The following ADCY1 variants were observed in gnomAD, a reference collection of about 807,000 sequenced individuals.
The protein encoded by ADCY1 is adenylate cyclase type 1.
A neutral mutation model predicts 105.4 loss-of-function variants in ADCY1; 28 were observed. The ratio of observed to expected loss-of-function variants is 0.27; its 90% CI spans 0.20 to 0.36. ADCY1 has a LOEUF of 0.36. Ranked by LOEUF, ADCY1 falls within the 10% of genes least tolerant of loss-of-function variation. ADCY1 has a pLI of 1.00. For missense variants in ADCY1, 977 were observed against 1,434.2 expected, an observed-to-expected ratio of 0.68 and a Z score of 5.15; for synonymous variants, 655 against 623.8, an observed-to-expected ratio of 1.05 and a Z score of -0.75.
chr7:45,683,494 C>G (rs1456863758), intron 11 of ADCY1, among the ~76,000 whole-genome samples: 2 of 152,152 alleles, frequency 1.3e-5, no homozygotes, highest in Non-Finnish European at 1.5e-5. Flanking sequence ...GCTTCTCTTA[C>G]TCTGTCACCT....
intron 8 of ADCY1, among the ~76,000 whole-genome samples, chr7:45,674,474 G>T (rs969127233): frequency 6.6e-6 from 1 of 151,940 alleles, no homozygotes; most frequent in African/African-American, 2.4e-5. Flanking sequence ...TCCTGGGTTC[G>T]AGCAATTCTC....
intron 3 of ADCY1, among the ~76,000 whole-genome samples, chr7:45,610,807 ATGGTGGAGGTAT>A (rs2115866478): frequency 1.4e-5 from 2 of 146,412 alleles, no homozygotes; most frequent in Admixed American, 6.8e-5. Flanking sequence ...TGGGGAGGTG[ATGGTGGAGGTAT>A]GGAGGTGATA....
Position 45,710,070 on chromosome 7 carries a change from T to C in ADCY1, c.2933-458T>C, listed in dbSNP as rs1476926314. 6.6e-6 allele frequency among the ~76,000 whole-genome samples: 1 copy of C among 152,190 alleles called. No homozygotes were observed. Among genetic ancestry groups the C allele is most frequent in the East Asian group, 1.9e-4 (1 of 5,200 alleles). On this transcript the variant is annotated intron_variant, in intron 18 of 19. Transcript: ENST00000297323. This position sits in a 1 kb window ranked among gnomAD's most constrained non-coding sequence, Gnocchi z 4.7. ...TAGTTATGGGGCCCATACTCTAAAA[T>C]AGCCATAAGGTCACATTCTGAGAAA... is the stretch of plus-strand genomic sequence containing the variant.
intron 7 of ADCY1, 24 bp from the exon 8 acceptor site, chr7:45,662,035 C>G (rs1037969809): frequency 1.2e-5 from 19 of 1,607,842 alleles, no homozygotes; most frequent in Non-Finnish European, 1.6e-5. Flanking sequence ...AGCATTTCTC[C>G]TTGCCCCTTG....
intron 14 of ADCY1, among the ~76,000 whole-genome samples, chr7:45,695,546 T>A (rs2116236269): frequency 6.6e-6 from 1 of 152,302 alleles, no homozygotes; most frequent in South Asian, 2.1e-4. Flanking sequence ...AGCCAAGAAT[T>A]AGAAGTCCTC....
intron 8 of ADCY1, 40 bp downstream of exon 8, chr7:45,662,254 G>A: frequency 6.3e-7 from 1 of 1,592,118 alleles, no homozygotes; most frequent in East Asian, 2.3e-5. Context: ...GGAGCTGCCA[G>A]GGACTGATCT....
chr7:45,614,982 C>A (rs1793698639), intron 3 of ADCY1, among the ~76,000 whole-genome samples: 1 of 152,060 alleles, frequency 6.6e-6, no homozygotes, highest in Non-Finnish European at 1.5e-5. Context: ...CAGACAAGAT[C>A]AAAAAGAAAG....
chr7:45,694,918 C>T (rs534399299), intron 14 of ADCY1, among the ~76,000 whole-genome samples: 3 of 152,336 alleles, frequency 2.0e-5, no homozygotes, highest in Non-Finnish European at 4.4e-5. Flanking sequence ...CTGTGCTAAT[C>T]CCTAGATGGT....
At chr7:45,634,648 T>A (rs1584289602) in intron 4 of ADCY1, among the ~76,000 whole-genome samples, 1 of 152,264 alleles carries the variant, frequency 6.6e-6, no homozygotes, top group East Asian at 1.9e-4. Flanking sequence ...GTTTTGACTT[T>A]AAGATGATGG....
Position 45,677,909 on chromosome 7 carries a change from G to T in ADCY1, c.1646G>T (p.Arg549Leu). The T allele has an allele frequency of 6.2e-7, 1 of 1,614,012 alleles. No homozygotes were observed. The highest frequency in any genetic ancestry group is 8.5e-7 in the Non-Finnish European group (1 of 1,180,000). ...LRTASEKLRN[R>L]SSFSTNVVYT... ...ACAGCCTCGGAAAAACTCAGAAACC[G>T]CTCATCTTTTTCTACCAACGTTGTC... Residue 549 changes from arginine to leucine, a missense_variant, in exon 9 of 20, where the codon CGC (arginine) becomes CTC (leucine). Physicochemically the swap from Arg to Leu is moderately radical, Grantham distance 102 (BLOSUM62 -2). Coordinates refer to ENST00000297323, the MANE Select transcript of ADCY1 (RefSeq NM_021116.4).
At chr7:45,605,734 G>A (rs1012597501) in intron 2 of ADCY1, among the ~76,000 whole-genome samples, 3 of 152,086 alleles carry the variant, frequency 2.0e-5, no homozygotes, top group African/African-American at 7.2e-5. Flanking sequence ...TTTCTAAAGT[G>A]CATTCGTAGT....
At chr7:45,616,086 A>T (rs1256782595) in intron 3 of ADCY1, among the ~76,000 whole-genome samples, 1 of 152,224 alleles carries the variant, frequency 6.6e-6, no homozygotes, top group African/African-American at 2.4e-5. Context: ...TAACCCAGGA[A>T]ATTTTGATAA....
At chr7:45,646,831 A>G (rs542497600) in intron 4 of ADCY1, among the ~76,000 whole-genome samples, 1 of 152,360 alleles carries the variant, frequency 6.6e-6, no homozygotes, top group African/African-American at 2.4e-5. Flanking sequence ...CTAAGTGGCC[A>G]GACCCTGGAT....
chr7:45,609,906 A>G (rs1793486160), intron 2 of ADCY1, among the ~76,000 whole-genome samples: 1 of 152,244 alleles, frequency 6.6e-6, no homozygotes. Flanking sequence ...GTAAGAAGAC[A>G]AAGACCAAGA....
At chr7:45,685,925 GC>G (rs1784662678) in intron 12 of ADCY1, 36 bp from the exon 13 acceptor site, 7 of 1,588,738 alleles carry the variant, frequency 4.4e-6, no homozygotes, top group African/African-American at 2.7e-5. Flanking sequence ...GTCTTCACCT[GC>G]CCTTTGCTAA....
chr7:45,594,686 G>T (rs1793022285), intron 2 of ADCY1, among the ~76,000 whole-genome samples: 1 of 152,076 alleles, frequency 6.6e-6, no homozygotes, highest in South Asian at 2.1e-4. Context: ...GGGTTTTATA[G>T]CAGCTCTGTA....
chr7:45,642,736 C>G (rs1041151462), intron 4 of ADCY1, among the ~76,000 whole-genome samples: 6 of 152,150 alleles, frequency 3.9e-5, no homozygotes, highest in African/African-American at 1.4e-4. Flanking sequence ...TCAGTGAGAC[C>G]CGTCCATCAA....
At chr7:45,692,949 C>T (rs149319013) in intron 14 of ADCY1, among the ~76,000 whole-genome samples, 7 of 152,162 alleles carry the variant, frequency 4.6e-5, no homozygotes, top group South Asian at 2.1e-4. Context: ...GTAATGTTAG[C>T]GGGTAATAAA....
chr7:45,707,543 A>G (rs1356040947), intron 17 of ADCY1, among the ~76,000 whole-genome samples: 1 of 152,248 alleles, frequency 6.6e-6, no homozygotes, highest in Non-Finnish European at 1.5e-5. Flanking sequence ...ATGAACAGAC[A>G]GCAGGGAGGA....
Sources: gnomAD v4.1 joint callset for allele counts (sites outside exome capture counted in the v4.1 genomes callset) on GRCh38, gnomAD v4.1.1 for gene constraint, Gnocchi (gnomAD v3.1) non-coding constraint, MANE v1.5 for transcripts, NCBI Gene and HGNC (gene_info 2026-07-23, HGNC 2026-07-21) for gene names.